PRKG1: variants seen among roughly 807,000 people sequenced by gnomAD.
The protein encoded by PRKG1 is protein kinase cGMP-dependent 1.
A neutral mutation model predicts 88.1 loss-of-function variants in PRKG1; 35 were observed. That is an observed-to-expected ratio of 0.40 (90% CI 0.30 to 0.53). PRKG1 has a LOEUF of 0.53. Ranked by LOEUF, PRKG1 falls within the 20% of genes least tolerant of loss-of-function variation. The pLI, the probability that PRKG1 is intolerant of heterozygous loss-of-function variation, is 0.59. For missense variants in PRKG1, 540 were observed against 839.8 expected (o/e 0.64, Z 4.41); for synonymous variants, 303 against 292.5 (o/e 1.04, Z -0.37).
intron 1 of PRKG1, among the ~76,000 whole-genome samples, chr10:51,098,375 C>G (rs1564599174): frequency 2.6e-5 from 4 of 152,174 alleles, no homozygotes; most frequent in Admixed American, 1.3e-4. Context: ...CTTCACCTTT[C>G]CCGTGTCCCA....
In PRKG1 at chr10:52,293,991, T is replaced by C; in HGVS notation, c.*91T>C. 9.3e-7 allele frequency: 1 copy of C among 1,076,196 alleles called. No individual in the cohort carries two copies. The highest frequency in any genetic ancestry group is 1.6e-5 in the African/African-American group (1 of 63,150). The allele number at this position is 1,076,196 out of a possible 1,614,324, so 66.7% of individuals were successfully genotyped here. A position where few individuals can be genotyped will look rare whatever the true frequency, so the allele number is the denominator to read the frequency against. On this transcript the variant is annotated 3_prime_UTR_variant, in exon 18 of 18. Transcript: ENST00000373980. ...ACCTGAGGGAAAGAGAGAAGATTAGTGCTCGGGGTCACCATGATGCCTTTG... is the reference window on the plus strand; with the variant it reads ...ACCTGAGGGAAAGAGAGAAGATTAGCGCTCGGGGTCACCATGATGCCTTTG...
At chr10:51,305,730 GT>G (rs1841018902) in intron 2 of PRKG1, among the ~76,000 whole-genome samples, 1 of 152,102 alleles carries the variant, frequency 6.6e-6, no homozygotes, top group African/African-American at 2.4e-5. Flanking sequence ...TGGAGCAATT[GT>G]TTTGACTGTT....
intron 2 of PRKG1, among the ~76,000 whole-genome samples, chr10:51,165,842 A>G (rs980589029): frequency 6.6e-6 from 1 of 152,210 alleles, no homozygotes; most frequent in African/African-American, 2.4e-5. Flanking sequence ...TTTCCTTTTA[A>G]AATTGAGCAG....
intron 2 of PRKG1, among the ~76,000 whole-genome samples, chr10:51,396,529 T>C (rs1837582002): frequency 6.6e-6 from 1 of 152,162 alleles, no homozygotes; most frequent in African/African-American, 2.4e-5. Flanking sequence ...TGAAAAGCAG[T>C]TTTCCTTAGA....
intron 17 of PRKG1, among the ~76,000 whole-genome samples, chr10:52,293,431 C>T (rs1320427638): frequency 6.6e-6 from 1 of 151,738 alleles, no homozygotes; most frequent in Non-Finnish European, 1.5e-5. Context: ...CATATGGAAC[C>T]AAAAAAGAGC....
intron 2 of PRKG1, among the ~76,000 whole-genome samples, chr10:51,189,925 G>C (rs924472300): frequency 6.6e-6 from 1 of 151,868 alleles, no homozygotes; most frequent in Non-Finnish European, 1.5e-5. Flanking sequence ...GAAGATTATA[G>C]TTGTGGAGTG....
chr10:51,987,147 TA>T (rs1047321619), intron 5 of PRKG1, among the ~76,000 whole-genome samples: 1 of 152,110 alleles, frequency 6.6e-6, no homozygotes, highest in African/African-American at 2.4e-5. Context: ...AGCATCATAT[TA>T]AAAAATCTTA....
At chr10:52,241,851 T>G (rs2132379844) in intron 9 of PRKG1, among the ~76,000 whole-genome samples, 1 of 152,338 alleles carries the variant, frequency 6.6e-6, no homozygotes, top group Admixed American at 6.5e-5. Context: ...TAAGATTAAA[T>G]GTTTCCATCT....
intron 3 of PRKG1, among the ~76,000 whole-genome samples, chr10:51,767,529 G>T (rs1293548620): frequency 2.6e-5 from 4 of 152,132 alleles, no homozygotes; most frequent in Non-Finnish European, 5.9e-5. Context: ...TGGGGGAAAA[G>T]GTTTCAACTC....
intron 14 of PRKG1, among the ~76,000 whole-genome samples, chr10:52,285,195 C>T (rs956447232): frequency 6.6e-6 from 1 of 152,042 alleles, no homozygotes; most frequent in African/African-American, 2.4e-5. Flanking sequence ...TCTCCCCCAC[C>T]AACTTAGGAA....
At chr10:51,448,064 C>T (rs978677041) in intron 2 of PRKG1, among the ~76,000 whole-genome samples, 6 of 151,518 alleles carry the variant, frequency 4.0e-5, no homozygotes, top group Non-Finnish European at 7.4e-5. Flanking sequence ...ACCCCATCTC[C>T]ACACACACAC....
chr10:51,605,231 T>C (rs1838731677), intron 3 of PRKG1, among the ~76,000 whole-genome samples: 1 of 152,118 alleles, frequency 6.6e-6, no homozygotes, highest in Non-Finnish European at 1.5e-5. Context: ...CAGGTTTATA[T>C]GGGCACAGGA....
chr10:51,552,728 C>T (rs1453497945), intron 3 of PRKG1, among the ~76,000 whole-genome samples: 1 of 151,494 alleles, frequency 6.6e-6, no homozygotes, highest in Non-Finnish European at 1.5e-5. Flanking sequence ...TTAATGTAAT[C>T]CAGGCTGTTG....
At chr10:51,647,440 G>A (rs916371315) in intron 3 of PRKG1, among the ~76,000 whole-genome samples, 1 of 152,154 alleles carries the variant, frequency 6.6e-6, no homozygotes, top group Non-Finnish European at 1.5e-5. Flanking sequence ...TTAGTAGGAG[G>A]GAAGCAGCGT....
intron 6 of PRKG1, among the ~76,000 whole-genome samples, chr10:52,056,552 A>G (rs184730767): frequency 1.3e-5 from 2 of 152,206 alleles, no homozygotes; most frequent in East Asian, 3.9e-4. Flanking sequence ...TGGAAATTAC[A>G]CCACAGGAAC....
intron 3 of PRKG1, among the ~76,000 whole-genome samples, chr10:51,638,600 C>T (rs115563765): frequency 0.042 from 6,461 of 152,080 alleles, 179 homozygotes; most frequent in Middle Eastern, 0.078. Context: ...CTTTGACTGC[C>T]GTCTTCAAAA....
intron 1 of PRKG1, among the ~76,000 whole-genome samples, chr10:51,030,156 T>C (rs1410469292): frequency 6.6e-6 from 1 of 152,140 alleles, no homozygotes; most frequent in Non-Finnish European, 1.5e-5. Context: ...AATTGAACAC[T>C]GTATTTATCT....
chr10:52,199,125 G>A (rs1839590046), intron 9 of PRKG1, among the ~76,000 whole-genome samples: 1 of 151,976 alleles, frequency 6.6e-6, no homozygotes, highest in African/African-American at 2.4e-5. Context: ...TTCAATGTAA[G>A]GTTTTTCTTC....
In PRKG1 at chr10:52,244,957, TTTAAAAATA is replaced by T. The variant is rs1295399022; in HGVS notation, c.1077-6593_1077-6585del. Among the ~76,000 whole-genome samples, 199 of 145,240 alleles carry T rather than the reference TTTAAAAATA, an allele frequency of 1.4e-3. 2 individuals carry two copies. The highest frequency in any genetic ancestry group is 1.9e-3 in the Admixed American group (28 of 14,360). ...ACTTTAAATATATATTTAAAATATA[TTTAAAAATA>T]TTAAAAATATTAAAAATATAAAAAA... is the stretch of plus-strand genomic sequence containing the variant. On this transcript the variant is annotated intron_variant, in intron 9 of 17. Transcript: ENST00000373980.
Sources: allele counts gnomAD v4.1 joint callset (sites outside exome capture counted in the v4.1 genomes callset), GRCh38; gene constraint gnomAD v4.1.1; transcripts MANE v1.5; gene names NCBI Gene and HGNC (gene_info 2026-07-23, HGNC 2026-07-21).